The following ERBB3 variants were observed in gnomAD, a reference collection of about 807,000 sequenced individuals.
ERBB3 encodes erb-b2 receptor tyrosine kinase 3.
In ERBB3, 96 loss-of-function variants were observed where a neutral mutation model predicts 156.7. The observed-to-expected ratio is 0.61, with a 90% CI of 0.52 to 0.73. The LOEUF is 0.73. ERBB3 is among the 30% of genes least tolerant of loss of function. The pLI, the probability that ERBB3 is intolerant of heterozygous loss-of-function variation, is 0.00. For synonymous variants in ERBB3, 567 were observed against 632.0 expected (o/e 0.90, Z 1.54); for missense variants, 1,406 against 1,709.4 (o/e 0.82, Z 3.13).
At chr12:56,091,618 ATGCGCCGC>A (rs1389710025) in intron 9 of ERBB3, among the ~76,000 whole-genome samples, 3 of 151,396 alleles carry the variant, frequency 2.0e-5, no homozygotes, top group Non-Finnish European at 4.4e-5. Context: ...GATTATAGGC[ATGCGCCGC>A]TGCCAGGCTG....
At chr12:56,098,978 G>C (rs2136823476) in intron 23 of ERBB3, 73 bp downstream of exon 23, 3 of 1,335,330 alleles carry the variant, frequency 2.2e-6, no homozygotes, top group South Asian at 1.3e-5. Context: ...TTTTGAGACA[G>C]AGTCTCACAA....
Position 56,086,675 on chromosome 12 carries a change from G to T in ERBB3, c.547+19G>T, listed in dbSNP as rs773530299. ...AGAAGCTGTAAGTGGCCGTGATCAA[G>T]ATTGCTCCCCAGTCCCACCAAACCA... is the stretch of plus-strand genomic sequence containing the variant. On this transcript the variant is annotated intron_variant, in intron 4 of 27. Coordinates refer to ENST00000267101, the MANE Select transcript of ERBB3 (RefSeq NM_001982.4). The T allele has an allele frequency of 3.7e-6, 6 of 1,613,706 alleles. No homozygotes were observed. The highest frequency in any genetic ancestry group is 5.1e-6 in the Non-Finnish European group (6 of 1,179,818).
rs763623076 is a variant in ERBB3 at position 56,097,088 on chromosome 12, G to A, written c.2318G>A (p.Arg773Lys). 4 of 1,614,116 alleles carry A rather than the reference G, an allele frequency of 2.5e-6. No homozygotes were observed. The East Asian group carries it at 6.7e-5, about 27-fold the overall frequency. The change falls in exon 20 of 28, where the codon AGG (arginine) becomes AAG (lysine). Residue 773 changes from arginine to lysine, a missense_variant. Around this residue, in one of 3 missense-constraint regions of ERBB3, gnomAD observed 979 missense variants for 1,219.6 expected, o/e 0.80. Transcript: ENST00000267101. ...AGCCTGGACCATGCCCACATTGTAA[G>A]GCTGCTGGGACTATGCCCAGGGTCA... ...IGSLDHAHIV[R>K]LLGLCPGSSL... is the part of the protein sequence containing the mutation.
chr12:56,090,549 CAGG>C (rs1868645662), intron 9 of ERBB3, among the ~76,000 whole-genome samples: 1 of 152,018 alleles, frequency 6.6e-6, no homozygotes, highest in African/African-American at 2.4e-5. Context: ...GAGGCTGAGG[CAGG>C]AGAATAGCTT....
At chr12:56,092,516 C>T (rs550901146) in intron 9 of ERBB3, among the ~76,000 whole-genome samples, 8 of 151,514 alleles carry the variant, frequency 5.3e-5, no homozygotes, top group Middle Eastern at 3.4e-3. Context: ...CCAGCCCCTC[C>T]AAGTTGGCTC....
At chr12:56,093,923 TGGGTGG>T in intron 13 of ERBB3, 27 bp downstream of exon 13, 5 of 1,540,046 alleles carry the variant, frequency 3.2e-6, no homozygotes, top group Non-Finnish European at 4.5e-6. Flanking sequence ...CAGTCAAGGA[TGGGTGG>T]GGGTGGGGCC....
chr12:56,100,250 G>A lies in ERBB3; in HGVS notation c.3201+5G>A. ...AATCTTGGGGAGTCTTGCCAGGTAA[G>A]TTCTGTTGCTGAGAGGCTGGGTTTT... On this transcript the variant is annotated splice_donor_5th_base_variant and intron_variant, in intron 26 of 27. Transcript: ENST00000267101. 6.2e-7 allele frequency: 1 copy of A among 1,610,602 alleles called. No homozygotes were observed. Among genetic ancestry groups the A allele is most frequent in the Middle Eastern group, 1.7e-4 (1 of 6,038 alleles).
Position 56,101,374 on chromosome 12 carries a change from T to TC in ERBB3, c.3502+15dup. ...ACACACCTCAAAGGTGCCTGACTCT[T>TC]CCTAGGGCTTTCCTCAATTTTTCCT... is the stretch of plus-strand genomic sequence containing the variant. On this transcript the variant is annotated intron_variant, in intron 27 of 27. Transcript: ENST00000267101. The TC allele has an allele frequency of 6.2e-7, 1 of 1,613,306 alleles. No individual in the cohort carries two copies. Among genetic ancestry groups the TC allele is most frequent in the Non-Finnish European group, 8.5e-7 (1 of 1,179,640 alleles).
In ERBB3 at chr12:56,094,093, C is replaced by A. The variant is rs200184071; in HGVS notation, c.1614-6C>A. ...GACCCCCCCCTCCCTTTATTCCCCA[C>A]TACAGGGAGCCTCGAGAATTTGCCC... is the stretch of plus-strand genomic sequence containing the variant. On this transcript the variant is annotated splice_polypyrimidine_tract_variant and splice_region_variant and intron_variant, in intron 13 of 27. Transcript: ENST00000267101. 33 of 1,611,282 alleles carry A rather than the reference C, an allele frequency of 2.0e-5. No homozygotes were observed. In the African/African-American group the frequency reaches 4.1e-4, roughly 20 times the overall value.
chr12:56,097,068 G>A lies in ERBB3; in HGVS notation c.2298G>A (p.Leu766=). Residue 766 remains leucine (L), a synonymous_variant, in exon 20 of 28, where the codon CTG becomes CTA. Transcript: ENST00000267101. Reference sequence around the variant, plus strand: ...AGCATATGCTGGCCATTGGCAGCCTGGACCATGCCCACATTGTAAGGCTGC... The same window carrying A: ...AGCATATGCTGGCCATTGGCAGCCTAGACCATGCCCACATTGTAAGGCTGC... The part of the protein sequence containing the change: ...VTDHMLAIGS[L]DHAHIVRLLG... 1 of 1,614,062 alleles carries A rather than the reference G, an allele frequency of 6.2e-7. No individual in the cohort carries two copies. The highest frequency in any genetic ancestry group is 8.5e-7 in the Non-Finnish European group (1 of 1,179,982).
At chr12:56,096,932 C>A in intron 19 of ERBB3, 86 bp downstream of exon 19, 13 of 1,327,814 alleles carry the variant, frequency 9.8e-6, no homozygotes, top group Non-Finnish European at 1.2e-5. Context: ...TGCTTCTCAG[C>A]AGCTACTATG....
intron 9 of ERBB3, among the ~76,000 whole-genome samples, chr12:56,090,414 T>C (rs971792156): frequency 2.6e-5 from 4 of 152,012 alleles, no homozygotes; most frequent in African/African-American, 4.8e-5. Context: ...GGTGGATCAC[T>C]AGGTGTGGAT....
Position 56,098,871 on chromosome 12 carries a change from C to T in ERBB3, c.2805C>T (p.Ile935=), listed in dbSNP as rs764152740. ...GGGAGCGGTTGGCACAGCCCCAGAT[C>T]TGCACAATTGATGTCTACATGGTGA... is the stretch of plus-strand genomic sequence containing the variant. ...EKGERLAQPQ[I]CTIDVYMVMV... is the part of the protein sequence containing the mutation. The change falls in exon 23 of 28, where the codon ATC becomes ATT. Residue 935 remains isoleucine, a synonymous_variant. Transcript: ENST00000267101. The T allele has an allele frequency of 1.6e-5, 26 of 1,613,888 alleles. No homozygotes were observed.
In ERBB3 at chr12:56,095,780, A is replaced by C. The variant is rs1868869667; in HGVS notation, c.2029A>C (p.Met677Leu). Residue 677 changes from methionine to leucine, a missense_variant, in exon 17 of 28, where the codon ATG (methionine) becomes CTG (leucine). This residue lies in a region of ERBB3 where 979 missense variants were observed against 1,219.6 expected (regional missense o/e 0.80). Transcript: ENST00000267101. Reference sequence around the variant, plus strand: ...GCGCCGGATTCAGAATAAAAGGGCTATGAGGCGATACTTGGAACGGGGTGA... The same window carrying C: ...GCGCCGGATTCAGAATAAAAGGGCTCTGAGGCGATACTTGGAACGGGGTGA... ...RGRRIQNKRAMRRYLERGESI... is the reference protein window; with the variant it reads ...RGRRIQNKRALRRYLERGESI... 6.2e-7 allele frequency: 1 copy of C among 1,614,212 alleles called. No individual in the cohort carries two copies. The highest frequency in any genetic ancestry group is 1.3e-5 in the African/African-American group (1 of 75,052).
At position 56,102,360 on chromosome 12, in the gene ERBB3, T is replaced by A. The variant is rs1869141823; in HGVS notation, c.*305T>A. On this transcript the variant is annotated 3_prime_UTR_variant, in exon 28 of 28. Coordinates refer to ENST00000267101, the MANE Select transcript of ERBB3 (RefSeq NM_001982.4). The stretch of plus-strand genomic sequence containing the variant: ...TGGAGATATGAAGGATTACTCTCCA[T>A]ATCCCTTCCTCTCAGGCTCTTGACT... The A allele has an allele frequency of 5.0e-6, 2 of 401,246 alleles. No homozygotes were observed. The highest frequency in any genetic ancestry group is 9.1e-6 in the Non-Finnish European group (2 of 218,914). 24.9% of individuals were successfully genotyped at this position (401,246 alleles called of 1,614,324 possible).
chr12:56,080,768 C>G (rs1326370191), intron 1 of ERBB3, among the ~76,000 whole-genome samples: 1 of 152,182 alleles, frequency 6.6e-6, no homozygotes, highest in East Asian at 1.9e-4. Context: ...GCTCGCCAAC[C>G]CCCTGCCCCC....
chr12:56,102,163 C>A lies in ERBB3; in HGVS notation c.*108C>A. 9.9e-7 allele frequency: 1 copy of A among 1,014,182 alleles called. No individual in the cohort carries two copies. Among genetic ancestry groups the A allele is most frequent in the Non-Finnish European group, 1.5e-6 (1 of 650,672 alleles). The allele number at this position is 1,014,182 out of a possible 1,614,324, so 62.8% of individuals were successfully genotyped here. On this transcript the variant is annotated 3_prime_UTR_variant, in exon 28 of 28. Transcript: ENST00000267101. ...TCTCCCAGGTCCCAGCCCCTTTTCCCCAGTCCCAGACAATTCCATTCAATC... is the reference window on the plus strand; with the variant it reads ...TCTCCCAGGTCCCAGCCCCTTTTCCACAGTCCCAGACAATTCCATTCAATC...
intron 19 of ERBB3, 57 bp from the exon 20 acceptor site, chr12:56,096,988 A>G (rs759389986): frequency 2.5e-6 from 4 of 1,572,122 alleles, no homozygotes; most frequent in South Asian, 2.2e-5. Flanking sequence ...GGCTGTGCAC[A>G]TGCTGAGTGT....
rs1051004683 is a variant in ERBB3 at position 56,095,445 on chromosome 12, G to T, written c.1913+135G>T. The T allele has an allele frequency of 1.3e-5, 12 of 900,782 alleles. No individual in the cohort carries two copies. In the East Asian group the frequency reaches 3.0e-4, roughly 22 times the overall value. 55.8% of individuals were successfully genotyped at this position (900,782 alleles called of 1,614,324 possible). A position where few individuals can be genotyped will look rare whatever the true frequency, so the allele number is the denominator to read the frequency against. On this transcript the variant is annotated intron_variant, in intron 16 of 27. Transcript: ENST00000267101. ...CAGTCCACTATCACTGGACACTTGG[G>T]ACTCAAGAATGCAGGCTTCTGGACT... is the stretch of plus-strand genomic sequence containing the variant.
Sources: gnomAD v4.1 joint callset for allele counts (sites outside exome capture counted in the v4.1 genomes callset) on GRCh38, gnomAD v4.1.1 for gene constraint, gnomAD v4.1.1 regional missense constraint, MANE v1.5 for transcripts, NCBI Gene and HGNC (gene_info 2026-07-23, HGNC 2026-07-21) for gene names.